The following MYH14 variants were observed in gnomAD, a reference collection of about 807,000 sequenced individuals.
The protein encoded by MYH14 is myosin heavy chain 14.
A neutral mutation model predicts 255.5 loss-of-function variants in MYH14; 123 were observed. That is an observed-to-expected ratio of 0.48 (90% confidence interval 0.42 to 0.56). The LOEUF is 0.56. Among genes scored for constraint, MYH14 ranks in the 20% least tolerant of loss-of-function variants. MYH14 has a pLI of 0.00. For synonymous variants in MYH14, 1,095 were observed against 1,161.2 expected (o/e 0.94, Z 1.16); for missense variants, 2,423 against 2,802.3 (o/e 0.86, Z 3.06).
At chr19:50,227,070 C>T in intron 8 of MYH14, 104 bp downstream of exon 8, 2 of 934,834 alleles carry the variant, frequency 2.1e-6, no homozygotes, top group Admixed American at 1.9e-5. Context: ...TTACCTGCTA[C>T]TCAGATGGGA....
chr19:50,281,328 T>C (rs984695273), intron 32 of MYH14, among the ~76,000 whole-genome samples: 33 of 152,058 alleles, frequency 2.2e-4, no homozygotes, highest in Non-Finnish European at 4.7e-4. Context: ...ACTCTGTGTC[T>C]CCCCCAGCAG....
At position 50,224,164 on chromosome 19, in the gene MYH14, G is replaced by A; in HGVS notation, c.704G>A (p.Ser235Asn). ...RKEPGVPASVSTVSYGELERQ... is the reference protein window; with the variant it reads ...RKEPGVPASVNTVSYGELERQ... ...CCGTGACTTCCTCAGGCCTCCGTCA[G>A]CACCGTGTCTTATGTGAGTAGCAGG... The change falls in exon 6 of 43, where the codon AGC becomes AAC. Residue 235 changes from serine to asparagine, a missense_variant. Ser to Asn is a conservative substitution (Grantham distance 46). This residue lies in a region of MYH14 where 672 missense variants were observed against 881.8 expected (regional missense o/e 0.76). Coordinates refer to ENST00000642316, the MANE Select transcript of MYH14 (RefSeq NM_001145809.2). The A allele has an allele frequency of 1.9e-6, 3 of 1,613,782 alleles. No individual in the cohort carries two copies.
chr19:50,270,494 C>T (rs191647200), intron 24 of MYH14, among the ~76,000 whole-genome samples: 100 of 143,028 alleles, frequency 7.0e-4, no homozygotes, highest in African/African-American at 2.5e-3. Flanking sequence ...GCACTCCAGC[C>T]TGGGCAACAA....
chr19:50,297,937 T>C (rs8112392), intron 39 of MYH14, among the ~76,000 whole-genome samples: 97,892 of 151,894 alleles, frequency 0.64, 34,445 homozygotes, highest in East Asian at 0.92. Context: ...TGAGTGGACA[T>C]GAATTTTGCG....
chr19:50,289,919 C>T (rs2123447489), intron 35 of MYH14, among the ~76,000 whole-genome samples: 1 of 152,226 alleles, frequency 6.6e-6, no homozygotes, highest in South Asian at 2.1e-4. Context: ...AAACCATCTT[C>T]CTATTCCCCA....
intron 40 of MYH14, among the ~76,000 whole-genome samples, chr19:50,305,542 C>T (rs2036626412): frequency 1.3e-5 from 2 of 152,068 alleles, no homozygotes; most frequent in South Asian, 4.1e-4. Context: ...GGCCCCAGGG[C>T]TTATGGGAAC....
intron 40 of MYH14, among the ~76,000 whole-genome samples, chr19:50,302,998 G>C (rs1035407545): frequency 1.3e-5 from 2 of 152,228 alleles, no homozygotes; most frequent in African/African-American, 4.8e-5. Flanking sequence ...TATCATTTAG[G>C]ATGCTTTGGG....
intron 12 of MYH14, among the ~76,000 whole-genome samples, chr19:50,248,203 A>G (rs1265380452): frequency 6.6e-6 from 1 of 152,192 alleles, no homozygotes; most frequent in East Asian, 1.9e-4. Flanking sequence ...TAGGGGCCAC[A>G]GTAAGGAGGT....
Position 50,282,737 on chromosome 19 carries a change from A to T in MYH14, c.4539+895A>T, listed in dbSNP as rs540592072. ...ATAAAAAATTAAAAAAAATTTTTTTAAATTGTCATTTCCCTGTAGGTGGTG... is the reference window on the plus strand; with the variant it reads ...ATAAAAAATTAAAAAAAATTTTTTTTAATTGTCATTTCCCTGTAGGTGGTG... On this transcript the variant is annotated intron_variant, in intron 33 of 42. Transcript: ENST00000642316. Among the ~76,000 whole-genome samples, 945 of 152,248 alleles carry T rather than the reference A, an allele frequency of 6.2e-3. 10 individuals carry two copies. Among genetic ancestry groups the T allele is most frequent in the African/African-American group, 0.021 (880 of 41,542 alleles).
At position 50,286,644 on chromosome 19, in the gene MYH14, C is replaced by CG; in HGVS notation, c.4705dup (p.Ala1569GlyfsTer2). On this transcript the variant is annotated frameshift_variant, in exon 34 of 43. Coordinates refer to ENST00000642316, the MANE Select transcript of MYH14 (RefSeq NM_001145809.2). LOFTEE classifies it high-confidence loss of function. The stretch of plus-strand genomic sequence containing the variant: ...GCTGGAGCGGCAGAACCGGGCCCTG[C>CG]GGGCTGAGCTGGAGGCACTGCTGAG... 1 of 1,589,318 alleles carries CG rather than the reference C, an allele frequency of 6.3e-7. No individual in the cohort carries two copies.
intron 24 of MYH14, 144 bp from the exon 25 acceptor site, chr19:50,271,265 C>A: frequency 1.3e-6 from 1 of 792,432 alleles, no homozygotes; most frequent in Non-Finnish European, 2.0e-6. Flanking sequence ...AGAGTTTGAT[C>A]CTTCCCGGCC....
chr19:50,293,198 C>T lies in MYH14; in HGVS notation c.5257-35C>T. On this transcript the variant is annotated intron_variant, in intron 37 of 42. Transcript: ENST00000642316. This position sits in a 1 kb window ranked among gnomAD's most constrained non-coding sequence, Gnocchi z 4.1. ...TGAGACCCGTGCCCAGATTGCTTCT[C>T]CTCACACCCACCGGCCACCCCTCCA... 2.6e-6 allele frequency: 4 copies of T among 1,524,462 alleles called. No homozygotes were observed. Among genetic ancestry groups the T allele is most frequent in the African/African-American group, 1.4e-5 (1 of 72,846 alleles). The allele number at this position is 1,524,462 out of a possible 1,614,324, so 94.4% of individuals were successfully genotyped here.
rs1311936144 is a variant in MYH14, at chr19:50,237,190, A to T, written c.1114+5120A>T. 2.6e-5 allele frequency among the ~76,000 whole-genome samples: 4 copies of T among 152,212 alleles called. No individual in the cohort carries two copies. The East Asian group carries it at 7.7e-4, about 29-fold the overall frequency. On this transcript the variant is annotated intron_variant, in intron 10 of 42. Coordinates refer to ENST00000642316, the MANE Select transcript of MYH14 (RefSeq NM_001145809.2). ...TTATCATGGAAAATTTCAAACATGT[A>T]TGCAAACAGAGTGCAGAATGTAATG...
intron 2 of MYH14, among the ~76,000 whole-genome samples, chr19:50,212,415 C>G (rs564935020): frequency 1.3e-5 from 2 of 152,298 alleles, no homozygotes; most frequent in South Asian, 2.1e-4. Flanking sequence ...ATCGAGCACT[C>G]GTGATGTGCC....
Position 50,290,817 on chromosome 19 carries a change from A to G in MYH14, c.4966-70A>G, listed in dbSNP as rs2036046023. The G allele has an allele frequency of 7.4e-6, 11 of 1,478,266 alleles. No individual in the cohort carries two copies. The South Asian group carries it at 1.4e-4, about 19-fold the overall frequency. The allele number at this position is 1,478,266 out of a possible 1,614,324, so 91.6% of individuals were successfully genotyped here. A position where few individuals can be genotyped will look rare whatever the true frequency, so the allele number is the denominator to read the frequency against. ...GGCAGGAGCTCCAGGGCAGACATCCATGTCCCTAGCACACAGAGGGAGGCT... is the reference window on the plus strand; with the variant it reads ...GGCAGGAGCTCCAGGGCAGACATCCGTGTCCCTAGCACACAGAGGGAGGCT... On this transcript the variant is annotated intron_variant, in intron 35 of 42. Transcript: ENST00000642316.
intron 42 of MYH14, 194 bp from the exon 43 acceptor site, chr19:50,309,443 TTCA>T: frequency 3.2e-6 from 2 of 618,908 alleles, no homozygotes; most frequent in East Asian, 2.8e-5. Flanking sequence ...CTGTGTGTCC[TTCA>T]TCTCTCTCTG....
rs1054561745 is a variant in MYH14 at position 50,250,741 on chromosome 19, C to T, written c.1830+53C>T. 4.5e-5 allele frequency: 70 copies of T among 1,552,614 alleles called. No homozygotes were observed. Among genetic ancestry groups the T allele is most frequent in the Non-Finnish European group, 5.9e-5 (67 of 1,138,088 alleles). ...TGTGGGAGTGGGGATCAAGGGATCT[C>T]CACTGGCTACAGATGGGGGGAGGGT... On this transcript the variant is annotated intron_variant, in intron 15 of 42. Coordinates refer to ENST00000642316, the MANE Select transcript of MYH14 (RefSeq NM_001145809.2). This position sits in a 1 kb window ranked among gnomAD's most constrained non-coding sequence, Gnocchi z 5.4.
rs764501245 is a variant in MYH14 at position 50,286,695 on chromosome 19, G to A, written c.4752+1G>A. The stretch of plus-strand genomic sequence containing the variant: ...CAGCAAGGATGACGTCGGCAAGAGC[G>A]TGAGCAGGGCCCCCGCTCCCCGGGA... On this transcript the variant is annotated splice_donor_variant, in intron 34 of 42. Transcript: ENST00000642316. LOFTEE classifies it high-confidence loss of function. 29 of 1,566,306 alleles carry A rather than the reference G, an allele frequency of 1.9e-5. No individual in the cohort carries two copies. Among genetic ancestry groups the A allele is most frequent in the African/African-American group, 2.7e-5 (2 of 73,908 alleles).
intron 16 of MYH14, among the ~76,000 whole-genome samples, chr19:50,253,741 T>TCTGCCA (rs1401582698): frequency 3.3e-5 from 5 of 152,306 alleles, no homozygotes; most frequent in African/African-American, 1.2e-4. Flanking sequence ...CCAAGCCTTT[T>TCTGCCA]CTGCCACTGC....
Sources: gnomAD v4.1 joint callset for allele counts (sites outside exome capture counted in the v4.1 genomes callset) on GRCh38, gnomAD v4.1.1 for gene constraint, gnomAD v4.1.1 regional missense constraint, Gnocchi (gnomAD v3.1) non-coding constraint, MANE v1.5 for transcripts, NCBI Gene and HGNC (gene_info 2026-07-23, HGNC 2026-07-21) for gene names.